Variants in SYT1 observed in about 807,000 individuals in gnomAD.
The protein encoded by SYT1 is synaptotagmin 1, also known as synaptotagmin-1.
In SYT1, 8 loss-of-function variants were observed where a neutral mutation model predicts 44.8. That is an observed-to-expected ratio of 0.18 (90% CI 0.10 to 0.32). The LOEUF is 0.32. SYT1 is among the 10% of genes least tolerant of loss of function. The pLI, the probability that SYT1 is intolerant of heterozygous loss-of-function variation, is 1.00. For missense variants in SYT1, 286 were observed against 509.3 expected, an observed-to-expected ratio of 0.56 and a Z score of 4.22; for synonymous variants, 154 against 188.8, an observed-to-expected ratio of 0.82 and a Z score of 1.51.
chr12:79,395,539 C>A (rs12579420), intron 9 of SYT1, among the ~76,000 whole-genome samples: 5 of 151,870 alleles, frequency 3.3e-5, no homozygotes, highest in Non-Finnish European at 7.4e-5. Flanking sequence ...ACATTTATTA[C>A]GGATTTTGTT....
chr12:79,300,790 TA>T (rs5799425), intron 8 of SYT1, among the ~76,000 whole-genome samples: 5,042 of 22,758 alleles, frequency 0.22, 366 homozygotes, highest in African/African-American at 0.38. Flanking sequence ...GTATACTTAT[TA>T]TATATATATA....
intron 3 of SYT1, among the ~76,000 whole-genome samples, chr12:79,191,202 T>C (rs1168355349): frequency 1.3e-5 from 2 of 152,046 alleles, no homozygotes; most frequent in African/African-American, 4.8e-5. Context: ...TGGTCACAGG[T>C]TCATTCAAGA....
intron 4 of SYT1, among the ~76,000 whole-genome samples, chr12:79,239,640 G>C (rs1876385596): frequency 6.6e-6 from 1 of 152,102 alleles, no homozygotes; most frequent in Non-Finnish European, 1.5e-5. Context: ...CAATATTAGT[G>C]GCTTAAAACA....
intron 1 of SYT1, among the ~76,000 whole-genome samples, chr12:78,915,174 C>T (rs576399993): frequency 1.4e-4 from 21 of 152,116 alleles, no homozygotes; most frequent in African/African-American, 4.3e-4. Context: ...AATGACTCTG[C>T]AGGTAAAAAT....
intron 8 of SYT1, among the ~76,000 whole-genome samples, chr12:79,316,804 G>T (rs1291394096): frequency 6.6e-6 from 1 of 152,138 alleles, no homozygotes; most frequent in African/African-American, 2.4e-5. Flanking sequence ...TGTCTCGATA[G>T]GTAGAACATA....
At chr12:79,123,591 A>G (rs1329951663) in intron 3 of SYT1, among the ~76,000 whole-genome samples, 1 of 152,154 alleles carries the variant, frequency 6.6e-6, no homozygotes, top group Non-Finnish European at 1.5e-5. Context: ...CAATTCAGAA[A>G]CACATTTACT....
intron 4 of SYT1, among the ~76,000 whole-genome samples, chr12:79,227,337 T>G (rs1875584456): frequency 6.6e-6 from 1 of 152,136 alleles, no homozygotes; most frequent in African/African-American, 2.4e-5. Context: ...TTTTTAGAAT[T>G]TTTTTTATTT....
intron 2 of SYT1, among the ~76,000 whole-genome samples, chr12:79,026,156 A>C (rs1390349805): frequency 1.3e-5 from 2 of 151,676 alleles, no homozygotes; most frequent in Non-Finnish European, 3.0e-5. Context: ...TCCTTTTATA[A>C]TTCTAAGTTA....
intron 3 of SYT1, among the ~76,000 whole-genome samples, chr12:79,158,853 C>T (rs147779290): frequency 4.5e-4 from 69 of 151,804 alleles, no homozygotes; most frequent in Admixed American, 1.9e-3. Flanking sequence ...GCTGTGATCA[C>T]GCCACTGAAC....
chr12:79,128,001 CAT>C (rs1868551512), intron 3 of SYT1, among the ~76,000 whole-genome samples: 1 of 151,982 alleles, frequency 6.6e-6, no homozygotes. Flanking sequence ...CAGAAACAGT[CAT>C]AATATAGATG....
chr12:78,879,252 G>A (rs549941344), intron 1 of SYT1, among the ~76,000 whole-genome samples: 1 of 151,706 alleles, frequency 6.6e-6, no homozygotes, highest in East Asian at 1.9e-4. Flanking sequence ...TGACTTTGGG[G>A]TTATGTTAGG....
At chr12:79,057,650 A>G (rs1875063528) in intron 3 of SYT1, among the ~76,000 whole-genome samples, 1 of 151,888 alleles carries the variant, frequency 6.6e-6, no homozygotes, top group African/African-American at 2.4e-5. Context: ...TTTTTTTTCT[A>G]ATTTTGCACA....
intron 3 of SYT1, among the ~76,000 whole-genome samples, chr12:79,092,025 A>C (rs1234513806): frequency 2.0e-5 from 3 of 151,896 alleles, no homozygotes; most frequent in Non-Finnish European, 4.4e-5. Flanking sequence ...TGGGAAGCCA[A>C]TCCAAGGAGG....
At chr12:79,093,883 C>T (rs1310561853) in intron 3 of SYT1, among the ~76,000 whole-genome samples, 1 of 151,498 alleles carries the variant, frequency 6.6e-6, no homozygotes, top group Non-Finnish European at 1.5e-5. Context: ...CAGTGAAAAT[C>T]TAGGAAGTAA....
At chr12:79,147,322 A>G (rs1869981692) in intron 3 of SYT1, among the ~76,000 whole-genome samples, 1 of 152,178 alleles carries the variant, frequency 6.6e-6, no homozygotes, top group African/African-American at 2.4e-5. Context: ...TAAGTATATG[A>G]AAAGGAAAGA....
intron 1 of SYT1, among the ~76,000 whole-genome samples, chr12:78,881,722 GA>G: frequency 6.6e-6 from 1 of 151,274 alleles, no homozygotes; most frequent in South Asian, 2.1e-4. Flanking sequence ...TTCAAAAGAA[GA>G]AAAGAGGAGA....
At chr12:79,299,279 T>G (rs563609289) in intron 7 of SYT1, 105 bp from the exon 8 acceptor site, 6 of 1,269,966 alleles carry the variant, frequency 4.7e-6, no homozygotes, top group Non-Finnish European at 6.6e-6. Flanking sequence ...ATTATCTCCC[T>G]GTTCTGTTTA....
intron 3 of SYT1, among the ~76,000 whole-genome samples, chr12:79,179,354 C>CT (rs555133628): frequency 3.3e-5 from 2 of 61,076 alleles, no homozygotes; most frequent in Non-Finnish European, 5.7e-5. Context: ...ATGTCTATAT[C>CT]GATATAGATA....
intron 1 of SYT1, among the ~76,000 whole-genome samples, chr12:78,962,782 C>T (rs943003260): frequency 6.8e-6 from 1 of 147,618 alleles, no homozygotes; most frequent in African/African-American, 2.5e-5. Context: ...ACTCACCATG[C>T]CACAGCCAAA....
Sources: gnomAD v4.1 joint callset for allele counts (sites outside exome capture counted in the v4.1 genomes callset) on GRCh38, gnomAD v4.1.1 for gene constraint, MANE v1.5 for transcripts, NCBI Gene and HGNC (gene_info 2026-07-23, HGNC 2026-07-21) for gene names.